Variants in CSMD1 observed in about 807,000 individuals in gnomAD.
CSMD1 encodes CUB and sushi domain-containing protein 1.
CSMD1 carries 213 observed loss-of-function variants against 417.5 expected under a neutral mutation model. That is an observed-to-expected ratio of 0.51 (90% CI 0.46 to 0.57). CSMD1 has a LOEUF of 0.57. Among genes scored for constraint, CSMD1 ranks in the 20% least tolerant of loss-of-function variants. The probability of loss-of-function intolerance (pLI) is 0.00; values close to 1 mark genes in which losing one functional copy is unlikely to be tolerated. For synonymous variants in CSMD1, 2,862 were observed against 1,736.8 expected (o/e 1.65, Z -16.11); for missense variants, 6,923 against 4,529.7 (o/e 1.53, Z -15.17).
intron 69 of CSMD1, among the ~76,000 whole-genome samples, chr8:2,939,609 T>C (rs568395896): frequency 2.0e-5 from 3 of 152,186 alleles, no homozygotes; most frequent in African/African-American, 7.2e-5. Context: ...AGAAATTTAA[T>C]GTACATAAGC....
chr8:3,646,270 T>C (rs912284210), intron 7 of CSMD1, among the ~76,000 whole-genome samples: 4 of 152,204 alleles, frequency 2.6e-5, no homozygotes, highest in African/African-American at 2.4e-5. Flanking sequence ...ATGTTAACTG[T>C]AATTTTTCTC....
chr8:4,430,983 C>T (rs915707522), intron 2 of CSMD1, among the ~76,000 whole-genome samples: 1 of 152,054 alleles, frequency 6.6e-6, no homozygotes, highest in Non-Finnish European at 1.5e-5. Context: ...TCTTTTCTCC[C>T]CTCAGTTATG....
rs1241347575 is a variant in CSMD1 at position 4,461,652 on chromosome 8, G to A, written c.303-41587C>T. 2.6e-5 allele frequency among the ~76,000 whole-genome samples: 4 copies of A among 151,562 alleles called. No homozygotes were observed. In the East Asian group the frequency reaches 7.8e-4, roughly 29 times the overall value. ...TGCATCGTGTACCTCCTGGGCTCAA[G>A]CAATCCTCCCACCTCAGCCTGCTGT... is the stretch of plus-strand genomic sequence containing the variant. On this transcript the variant is annotated intron_variant, in intron 2 of 69. Coordinates refer to ENST00000635120, the MANE Select transcript of CSMD1 (RefSeq NM_033225.6).
intron 5 of CSMD1, among the ~76,000 whole-genome samples, chr8:3,919,182 T>C (rs1164137552): frequency 1.7e-4 from 8 of 47,924 alleles, no homozygotes; most frequent in Admixed American, 6.3e-4. Context: ...TCGTGTCATA[T>C]CCAAAAAAAA....
At chr8:4,251,680 G>C (rs977297066) in intron 3 of CSMD1, among the ~76,000 whole-genome samples, 1 of 152,112 alleles carries the variant, frequency 6.6e-6, no homozygotes, top group Non-Finnish European at 1.5e-5. Flanking sequence ...GATTGGTGGG[G>C]AGCAAAGACC....
At chr8:2,968,189 A>C (rs1229099796) in intron 57 of CSMD1, among the ~76,000 whole-genome samples, 1 of 152,232 alleles carries the variant, frequency 6.6e-6, no homozygotes, top group Non-Finnish European at 1.5e-5. Context: ...ACTATCCAAG[A>C]CAACTATTCA....
chr8:4,429,212 A>C (rs1357792590), intron 2 of CSMD1, among the ~76,000 whole-genome samples: 1 of 151,786 alleles, frequency 6.6e-6, no homozygotes, highest in African/African-American at 2.4e-5. Context: ...TGCCTGCCTT[A>C]CACGAATATC....
chr8:4,278,432 G>C (rs998239467), intron 3 of CSMD1, among the ~76,000 whole-genome samples: 6 of 152,150 alleles, frequency 3.9e-5, no homozygotes, highest in African/African-American at 1.4e-4. Context: ...AATTACATCT[G>C]ATGCTGCTAT....
chr8:3,307,844 G>C lies in CSMD1; in HGVS notation c.3824-23C>G, dbSNP rs747156189. 15 of 1,603,464 alleles carry C rather than the reference G, an allele frequency of 9.4e-6. 1 individual carries two copies. In the South Asian group the frequency reaches 1.5e-4, roughly 16 times the overall value. ...CCGCTGTAGAAGACACAGAGAGATG[G>C]GAACGTTCAGCTTCAGGCATCACAT... On this transcript the variant is annotated intron_variant, in intron 24 of 69. Transcript: ENST00000635120.
chr8:3,964,913 G>C (rs1294202536), intron 5 of CSMD1, among the ~76,000 whole-genome samples: 1 of 152,112 alleles, frequency 6.6e-6, no homozygotes, highest in East Asian at 1.9e-4. Context: ...ATACAATTAA[G>C]TTCTTAAATA....
chr8:4,427,658 T>C (rs760819032), intron 2 of CSMD1, among the ~76,000 whole-genome samples: 7 of 152,154 alleles, frequency 4.6e-5, no homozygotes, highest in African/African-American at 1.4e-4. Flanking sequence ...TACGTTAACT[T>C]TTGGCCTCAG....
intron 23 of CSMD1, among the ~76,000 whole-genome samples, chr8:3,341,212 T>C (rs7829488): frequency 0.22 from 33,843 of 152,032 alleles, 4,044 homozygotes; most frequent in Admixed American, 0.3. Flanking sequence ...GACATCAACA[T>C]GGAACAAGCC....
At position 4,774,758 on chromosome 8, in the gene CSMD1, G is replaced by A. The variant is rs576839326; in HGVS notation, c.86-137200C>T. ...TGCTATTCTCATAACAGACTTCCCA[G>A]GAGACCTTGTTGTTTAAAAGCCTGT... On this transcript the variant is annotated intron_variant, in intron 1 of 69. Coordinates refer to ENST00000635120, the MANE Select transcript of CSMD1 (RefSeq NM_033225.6). Among the ~76,000 whole-genome samples, 143 of 152,204 alleles carry A rather than the reference G, an allele frequency of 9.4e-4. 4 individuals are homozygous for A. In the South Asian group the frequency reaches 0.027, roughly 29 times the overall value.
intron 3 of CSMD1, among the ~76,000 whole-genome samples, chr8:4,268,414 T>C (rs1157891743): frequency 1.3e-5 from 2 of 152,190 alleles, no homozygotes; most frequent in Admixed American, 6.5e-5. Context: ...ATTGTAGCAG[T>C]GACCAATTGT....
intron 3 of CSMD1, among the ~76,000 whole-genome samples, chr8:4,054,398 T>C (rs1305249979): frequency 6.6e-6 from 1 of 152,172 alleles, no homozygotes; most frequent in African/African-American, 2.4e-5. Context: ...CCGAGCCATC[T>C]ACCCTAGCTA....
intron 7 of CSMD1, among the ~76,000 whole-genome samples, chr8:3,635,426 G>C (rs148767276): frequency 4.0e-5 from 6 of 151,548 alleles, no homozygotes; most frequent in African/African-American, 1.5e-4. Flanking sequence ...GGAGCTTGCA[G>C]TGAGCCGAGA....
chr8:4,337,217 A>C (rs1800223588), intron 3 of CSMD1, among the ~76,000 whole-genome samples: 1 of 152,076 alleles, frequency 6.6e-6, no homozygotes, highest in African/African-American at 2.4e-5. Flanking sequence ...TTCAATCTTT[A>C]CCCAGGAGGC....
At chr8:4,833,079 T>G (rs1043286645) in intron 1 of CSMD1, among the ~76,000 whole-genome samples, 6 of 152,202 alleles carry the variant, frequency 3.9e-5, no homozygotes, top group Non-Finnish European at 5.9e-5. Context: ...TTGCCAATTC[T>G]AACTTGGATT....
chr8:3,759,407 C>T (rs544307434), intron 5 of CSMD1, among the ~76,000 whole-genome samples: 1 of 152,226 alleles, frequency 6.6e-6, no homozygotes, highest in South Asian at 2.1e-4. Context: ...TATAAAACAA[C>T]CAGTGACTGA....
Sources: gnomAD v4.1 joint callset for allele counts (sites outside exome capture counted in the v4.1 genomes callset) on GRCh38, gnomAD v4.1.1 for gene constraint, MANE v1.5 for transcripts, NCBI Gene and HGNC (gene_info 2026-07-23, HGNC 2026-07-21) for gene names.